The following ADAMTS3 variants were observed in gnomAD, a reference collection of about 807,000 sequenced individuals.
ADAMTS3 encodes the protein A disintegrin and metalloproteinase with thrombospondin motifs 3.
A neutral mutation model predicts 129.0 loss-of-function variants in ADAMTS3; 73 were observed. The ratio of observed to expected loss-of-function variants is 0.57; its 90% CI spans 0.47 to 0.69. ADAMTS3 has a LOEUF of 0.69. ADAMTS3 is among the 30% of genes least tolerant of loss of function. The pLI is 0.00. For synonymous variants in ADAMTS3, 477 were observed against 510.8 expected (o/e 0.93, Z 0.89); for missense variants, 1,457 against 1,514.5 (o/e 0.96, Z 0.63).
At position 72,478,344 on chromosome 4, in the gene ADAMTS3, A is replaced by G. The variant is rs1719306603; in HGVS notation, c.505-63373T>C. Among the ~76,000 whole-genome samples, 4 of 150,936 alleles carry G rather than the reference A, an allele frequency of 2.7e-5. No homozygotes were observed. The South Asian group carries it at 8.5e-4, about 32-fold the overall frequency. On this transcript the variant is annotated intron_variant, in intron 3 of 21. Transcript: ENST00000286657. ...CAGCACATCAAAAAGCTTATCCACC[A>G]TGATCAAGTGGGCTTCATCCCTGGG...
chr4:72,393,216 G>T (rs922494851), intron 4 of ADAMTS3, among the ~76,000 whole-genome samples: 2 of 152,044 alleles, frequency 1.3e-5, no homozygotes, highest in Non-Finnish European at 2.9e-5. Flanking sequence ...GAGCCACCGC[G>T]CCTGGCCTCC....
At chr4:72,403,082 A>C (rs1398288437) in intron 4 of ADAMTS3, among the ~76,000 whole-genome samples, 1 of 152,034 alleles carries the variant, frequency 6.6e-6, no homozygotes, top group Non-Finnish European at 1.5e-5. Context: ...AGCTTTAGTC[A>C]CTGGAACTGG....
intron 5 of ADAMTS3, among the ~76,000 whole-genome samples, chr4:72,332,677 G>C (rs191443716): frequency 6.6e-6 from 1 of 152,170 alleles, no homozygotes; most frequent in East Asian, 1.9e-4. Flanking sequence ...AGATACCTTT[G>C]ACCTGTCACA....
intron 3 of ADAMTS3, among the ~76,000 whole-genome samples, chr4:72,495,544 A>G (rs1719853673): frequency 1.3e-5 from 2 of 152,344 alleles, no homozygotes; most frequent in South Asian, 4.1e-4. Flanking sequence ...AGAAAAAAAG[A>G]GACATTATTT....
At position 72,293,587 on chromosome 4, in the gene ADAMTS3, T is replaced by G. The variant is rs534050844; in HGVS notation, c.2723+2067A>C. Among the ~76,000 whole-genome samples, 26 of 152,204 alleles carry G rather than the reference T, an allele frequency of 1.7e-4. 1 individual carries two copies. In the South Asian group the frequency reaches 5.4e-3, roughly 32 times the overall value. On this transcript the variant is annotated intron_variant, in intron 19 of 21. Coordinates refer to ENST00000286657, the MANE Select transcript of ADAMTS3 (RefSeq NM_014243.3). Reference sequence around the variant, plus strand: ...GGAATCTTTTTTATAAGAAAAACACTAAATATACAATTAATTGAGGCTCTT... The same window carrying G: ...GGAATCTTTTTTATAAGAAAAACACGAAATATACAATTAATTGAGGCTCTT...
At chr4:72,302,655 C>T (rs1718980318) in intron 17 of ADAMTS3, among the ~76,000 whole-genome samples, 1 of 151,984 alleles carries the variant, frequency 6.6e-6, no homozygotes, top group African/African-American at 2.4e-5. Context: ...CCAAGATTCT[C>T]AGTGAACCCC....
At chr4:72,534,332 A>G (rs1462513770) in intron 3 of ADAMTS3, among the ~76,000 whole-genome samples, 4 of 152,164 alleles carry the variant, frequency 2.6e-5, no homozygotes, top group African/African-American at 7.2e-5. Flanking sequence ...GTCTCAAAAA[A>G]AAAAAAGAAA....
chr4:72,497,014 C>T (rs1719889324), intron 3 of ADAMTS3, among the ~76,000 whole-genome samples: 1 of 151,984 alleles, frequency 6.6e-6, no homozygotes, highest in Non-Finnish European at 1.5e-5. Flanking sequence ...TTCCAGGTGT[C>T]ATTCCAGGTC....
Position 72,555,379 on chromosome 4 carries a change from C to T in ADAMTS3, c.98-6495G>A, listed in dbSNP as rs542251258. 9.2e-5 allele frequency among the ~76,000 whole-genome samples: 14 copies of T among 151,912 alleles called. No homozygotes were observed. The South Asian group carries it at 2.7e-3, about 29-fold the overall frequency. ...TTCACAGCCCTACACTGCAGCATCA[C>T]TACAGTAGAGGATCACTGTTTTCTC... On this transcript the variant is annotated intron_variant, in intron 2 of 21. Transcript: ENST00000286657.
At chr4:72,520,107 A>T (rs1381083118) in intron 3 of ADAMTS3, among the ~76,000 whole-genome samples, 1 of 152,226 alleles carries the variant, frequency 6.6e-6, no homozygotes, top group Admixed American at 6.5e-5. Context: ...GGTCCACTTC[A>T]GACCCTGTTT....
intron 4 of ADAMTS3, among the ~76,000 whole-genome samples, chr4:72,355,344 T>C (rs1720553397): frequency 6.6e-6 from 1 of 151,962 alleles, no homozygotes; most frequent in Admixed American, 6.6e-5. Context: ...AGCCAAAACC[T>C]CAAAACAATG....
Position 72,336,185 on chromosome 4 carries a change from G to A in ADAMTS3, c.861+3309C>T, listed in dbSNP as rs79187900. On this transcript the variant is annotated intron_variant, in intron 5 of 21. Coordinates refer to ENST00000286657, the MANE Select transcript of ADAMTS3 (RefSeq NM_014243.3). ...GACCAACAATTTTAAAGGACAGCAT[G>A]ATCTTCTCTCTACCATAGGGACACC... 4.5e-3 allele frequency among the ~76,000 whole-genome samples: 691 copies of A among 152,296 alleles called. 4 individuals carry two copies. The highest frequency in any genetic ancestry group is 0.016 in the African/African-American group (661 of 41,570).
chr4:72,562,553 T>C (rs1235427830), intron 2 of ADAMTS3, among the ~76,000 whole-genome samples: 1 of 152,150 alleles, frequency 6.6e-6, no homozygotes, highest in Admixed American at 6.5e-5. Context: ...TGAAAAATTG[T>C]ACTAAAACAT....
At chr4:72,306,140 T>A in intron 15 of ADAMTS3, 73 bp from the exon 16 acceptor site, 1 of 1,082,048 alleles carries the variant, frequency 9.2e-7, no homozygotes, top group South Asian at 1.6e-5. Flanking sequence ...AGTTGAGCAC[T>A]ACATTCTTAC....
At position 72,568,729 on chromosome 4, in the gene ADAMTS3, C is replaced by T. The variant is rs1395443311; in HGVS notation, c.34G>A (p.Ala12Thr). ...GCTGAAGTCCTAACCTCTACCAGAG[C>T]GGCTGCTATCAACCAAAGTGACAGG... ...VLLSLWLIAA[A>T]LVEVRTSADG... Residue 12 changes from alanine to threonine, a missense_variant, in exon 1 of 22, where the codon GCT (alanine) becomes ACT (threonine). Physicochemically the swap from Ala to Thr is moderately conservative, Grantham distance 58. Coordinates refer to ENST00000286657, the MANE Select transcript of ADAMTS3 (RefSeq NM_014243.3). The T allele has an allele frequency of 6.2e-7, 1 of 1,613,788 alleles. No homozygotes were observed. Among genetic ancestry groups the T allele is most frequent in the Admixed American group, 1.7e-5 (1 of 59,966 alleles).
intron 3 of ADAMTS3, among the ~76,000 whole-genome samples, chr4:72,473,093 T>C (rs1719123118): frequency 6.6e-6 from 1 of 152,170 alleles, no homozygotes; most frequent in African/African-American, 2.4e-5. Context: ...AGCTTTGCTA[T>C]TCAACATGTG....
At chr4:72,472,649 T>C (rs915883085) in intron 3 of ADAMTS3, among the ~76,000 whole-genome samples, 2 of 152,140 alleles carry the variant, frequency 1.3e-5, no homozygotes, top group South Asian at 4.1e-4. Context: ...ATTCCTTCTT[T>C]CACCTTGCAG....
At chr4:72,474,150 C>T (rs1719161051) in intron 3 of ADAMTS3, among the ~76,000 whole-genome samples, 1 of 152,038 alleles carries the variant, frequency 6.6e-6, no homozygotes, top group African/African-American at 2.4e-5. Flanking sequence ...TGAAAAAGTC[C>T]AGATATAAGT....
intron 4 of ADAMTS3, among the ~76,000 whole-genome samples, chr4:72,350,224 C>T (rs1720397865): frequency 6.6e-6 from 1 of 152,022 alleles, no homozygotes; most frequent in Admixed American, 6.6e-5. Flanking sequence ...GAGAGAAACA[C>T]TGTTACTACA....
Sources: gnomAD v4.1 joint callset for allele counts (sites outside exome capture counted in the v4.1 genomes callset) on GRCh38, gnomAD v4.1.1 for gene constraint, MANE v1.5 for transcripts, NCBI Gene and HGNC (gene_info 2026-07-23, HGNC 2026-07-21) for gene names.